Variants in DAZL observed in about 807,000 individuals in gnomAD.
DAZL encodes the protein deleted in azoospermia like.
Under a neutral mutation model 45.0 loss-of-function variants are expected in DAZL, and 4 were observed. The ratio of observed to expected loss-of-function variants is 0.09; its 90% confidence interval spans 0.04 to 0.20. The LOEUF (loss-of-function observed/expected upper bound fraction) is 0.20. DAZL is among the 10% of genes least tolerant of loss of function. The pLI is 1.00. For synonymous variants in DAZL, 122 were observed against 112.4 expected, an observed-to-expected ratio of 1.09 and a Z score of -0.54; for missense variants, 326 against 351.3, an observed-to-expected ratio of 0.93 and a Z score of 0.58.
chr3:16,604,814 G>C (rs1694750936), intron 1 of DAZL: 2 of 1,191,122 alleles, frequency 1.7e-6, no homozygotes, highest in African/African-American at 1.5e-5. Flanking sequence ...AGGCGCGTGA[G>C]TGGGGGAGCG....
intron 1 of DAZL, among the ~76,000 whole-genome samples, chr3:16,600,176 C>T (rs1294602161): frequency 6.6e-6 from 1 of 152,014 alleles, no homozygotes; most frequent in Non-Finnish European, 1.5e-5. Flanking sequence ...AAAGAGAAAG[C>T]TATTACACAT....
intron 3 of DAZL, 43 bp downstream of exon 3, chr3:16,598,044 T>C (rs374281502): frequency 4.2e-6 from 6 of 1,435,092 alleles, no homozygotes; most frequent in African/African-American, 1.4e-5. Flanking sequence ...TCTGATACTC[T>C]ATACGTGGCT....
At chr3:16,598,813 C>T (rs13065313) in intron 1 of DAZL, among the ~76,000 whole-genome samples, 32,729 of 147,788 alleles carry the variant, frequency 0.22, 4,212 homozygotes, top group Non-Finnish European at 0.3. Flanking sequence ...GAGAGAGTCT[C>T]GCCCTTGTCA....
intron 2 of DAZL, 132 bp downstream of exon 2, chr3:16,598,320 G>A: frequency 7.0e-7 from 1 of 1,422,170 alleles, no homozygotes; most frequent in East Asian, 2.3e-5. Flanking sequence ...GATATTTTTA[G>A]TACCTATGGG....
chr3:16,599,434 T>C (rs151223948), intron 1 of DAZL, among the ~76,000 whole-genome samples: 5 of 152,338 alleles, frequency 3.3e-5, no homozygotes, highest in African/African-American at 4.8e-5. Context: ...GCTGTGTTAG[T>C]ATGCCTGCTT....
chr3:16,592,001 A>G (rs1203601006), intron 10 of DAZL, 49 bp downstream of exon 10: 1 of 1,570,672 alleles, frequency 6.4e-7, no homozygotes, highest in Non-Finnish European at 8.8e-7. Flanking sequence ...CAGATACTTT[A>G]AAGCTAACAA....
At chr3:16,596,543 T>C (rs903742759) in intron 6 of DAZL, among the ~76,000 whole-genome samples, 3 of 152,014 alleles carry the variant, frequency 2.0e-5, no homozygotes, top group Admixed American at 6.6e-5. Flanking sequence ...ATTTCTAAGA[T>C]AAAGACAAAG....
At chr3:16,597,268 T>C (rs2217204) in intron 4 of DAZL, among the ~76,000 whole-genome samples, 111,796 of 151,974 alleles carry the variant, frequency 0.74, 41,481 homozygotes, top group African/African-American at 0.83. Context: ...AACTTTTCAT[T>C]ACCCTGCCCT....
At position 16,596,843 on chromosome 3, in the gene DAZL, A is replaced by G. The variant is rs115317726; in HGVS notation, c.405T>C (p.Pro135=). Residue 135 remains proline (P), a synonymous_variant, in exon 6 of 11, where the codon CCT becomes CCC. Coordinates refer to ENST00000399444, the MANE Select transcript of DAZL (RefSeq NM_001351.4). The part of the protein sequence containing the change: ...QPRPLVFNHP[P]PPQFQNVWTN... ...TCCAGACATTCTGAAACTGTGGTGG[A>G]GGAGGATGATTAAAAACCAAAGGAC... The G allele has an allele frequency of 7.9e-4, 1,272 of 1,613,820 alleles. 13 individuals are homozygous for G. The African/African-American group carries it at 0.015, about 19-fold the overall frequency.
At position 16,597,541 on chromosome 3, in the gene DAZL, G is replaced by C. The variant is rs1390360781; in HGVS notation, c.243C>G (p.Gly81=). 6.4e-7 allele frequency: 1 copy of C among 1,563,522 alleles called. No homozygotes were observed. The highest frequency in any genetic ancestry group is 8.8e-7 in the Non-Finnish European group (1 of 1,134,358). Residue 81 remains glycine, a splice_region_variant and synonymous_variant, in exon 4 of 11, where the codon GGC becomes GGG. Transcript: ENST00000399444. ...IITDRTGVSK[G]YGFVSFFNDV... ...CATTAAAAAATGAAACAAATCCATA[G>C]CTATAAAGGCAGATAAATGAAGTAT...
intron 1 of DAZL, among the ~76,000 whole-genome samples, chr3:16,599,789 A>G (rs1262007618): frequency 6.6e-6 from 1 of 152,232 alleles, no homozygotes; most frequent in Non-Finnish European, 1.5e-5. Flanking sequence ...GAAGCAATAT[A>G]GCAGAGTGAA....
chr3:16,602,936 T>C (rs988405096), intron 1 of DAZL, among the ~76,000 whole-genome samples: 1 of 152,210 alleles, frequency 6.6e-6, no homozygotes, highest in East Asian at 1.9e-4. Flanking sequence ...TAATACAGTC[T>C]TTATGAATCA....
At chr3:16,598,294 G>A (rs906032765) in intron 2 of DAZL, 116 bp from the exon 3 acceptor site, 1 of 1,390,976 alleles carries the variant, frequency 7.2e-7, no homozygotes, top group Non-Finnish European at 1.0e-6. Context: ...CAAATGACCA[G>A]TAGCTCTTTG....
chr3:16,591,451 A>G (rs188305720), intron 10 of DAZL, among the ~76,000 whole-genome samples: 133 of 144,912 alleles, frequency 9.2e-4, no homozygotes, highest in Non-Finnish European at 2.8e-4. Context: ...TTTTTTTGAG[A>G]CAAGGTCTCA....
chr3:16,598,254 T>C (rs1430590996), intron 2 of DAZL, 76 bp from the exon 3 acceptor site: 69 of 1,439,526 alleles, frequency 4.8e-5, no homozygotes, highest in Non-Finnish European at 6.5e-5. Context: ...GAAGGTTCGA[T>C]GATGTGACAA....
chr3:16,602,811 A>G (rs1040716800), intron 1 of DAZL, among the ~76,000 whole-genome samples: 1 of 152,186 alleles, frequency 6.6e-6, no homozygotes, highest in African/African-American at 2.4e-5. Context: ...CTACCCTATC[A>G]TTAAGCTTAA....
At chr3:16,595,283 A>C (rs760045685) in intron 7 of DAZL, 31 bp downstream of exon 7, 2 of 1,285,780 alleles carry the variant, frequency 1.6e-6, no homozygotes, top group Non-Finnish European at 2.2e-6. Flanking sequence ...TAAAATCTGA[A>C]AGTAAATCAT....
chr3:16,602,992 C>A (rs373305421), intron 1 of DAZL, among the ~76,000 whole-genome samples: 3 of 152,110 alleles, frequency 2.0e-5, no homozygotes, highest in Non-Finnish European at 4.4e-5. Context: ...AATGATCGAT[C>A]AACTTCATTG....
In DAZL at chr3:16,605,367, G is replaced by A. The variant is rs990389152; in HGVS notation, c.-162C>T. 2.1e-4 allele frequency: 186 copies of A among 881,122 alleles called. 1 individual carries two copies. Among genetic ancestry groups the A allele is most frequent in the Middle Eastern group, 2.4e-4 (1 of 4,148 alleles). The allele number at this position is 881,122 out of a possible 1,614,324, so 54.6% of individuals were successfully genotyped here. Reference sequence around the variant, plus strand: ...GAGAAAAGGAAAACCAAGAGCGGGTGACAAGGCTGAGGAGCCCCGAAAGGC... The same window carrying A: ...GAGAAAAGGAAAACCAAGAGCGGGTAACAAGGCTGAGGAGCCCCGAAAGGC... On this transcript the variant is annotated 5_prime_UTR_variant, in exon 1 of 11. Transcript: ENST00000399444.
Sources: gnomAD v4.1 joint callset for allele counts (sites outside exome capture counted in the v4.1 genomes callset) on GRCh38, gnomAD v4.1.1 for gene constraint, MANE v1.5 for transcripts, NCBI Gene and HGNC (gene_info 2026-07-23, HGNC 2026-07-21) for gene names.